CFAP299: variants seen among roughly 807,000 people sequenced by gnomAD.
The protein encoded by CFAP299 is cilia and flagella associated protein 299.
A neutral mutation model predicts 27.0 loss-of-function variants in CFAP299; 21 were observed. That is an observed-to-expected ratio of 0.78 (90% CI 0.55 to 1.12). CFAP299 has a LOEUF of 1.12. Ranked by LOEUF, CFAP299 falls within the 50% of genes most tolerant of loss-of-function variation. The pLI is 0.00. For synonymous variants in CFAP299, 104 were observed against 98.1 expected (o/e 1.06, Z -0.36); for missense variants, 310 against 276.6 (o/e 1.12, Z -0.86).
chr4:80,947,626 C>T (rs1301256346), intron 5 of CFAP299, among the ~76,000 whole-genome samples: 1 of 152,034 alleles, frequency 6.6e-6, no homozygotes, highest in African/African-American at 2.4e-5. Context: ...TAATAAGAAG[C>T]CTGTGTGATT....
chr4:80,596,412 A>G (rs1257650288), intron 3 of CFAP299, among the ~76,000 whole-genome samples: 2 of 152,218 alleles, frequency 1.3e-5, no homozygotes, highest in African/African-American at 4.8e-5. Context: ...TTGGAGCAAT[A>G]TAGAATAATA....
At chr4:80,346,584 C>T (rs906758262) in intron 1 of CFAP299, among the ~76,000 whole-genome samples, 1 of 151,284 alleles carries the variant, frequency 6.6e-6, no homozygotes, top group Non-Finnish European at 1.5e-5. Context: ...CAGATGGTTG[C>T]ATATGTGTGG....
chr4:80,843,151 T>C (rs902824240), intron 3 of CFAP299, among the ~76,000 whole-genome samples: 20 of 152,046 alleles, frequency 1.3e-4, no homozygotes, highest in African/African-American at 3.9e-4. Context: ...TATATATGTA[T>C]ACATGTGCCA....
intron 2 of CFAP299, among the ~76,000 whole-genome samples, chr4:80,514,716 CT>C (rs1364186826): frequency 1.3e-5 from 2 of 152,004 alleles, no homozygotes; most frequent in East Asian, 3.9e-4. Context: ...GTTTTACCTG[CT>C]CTTTGAATAG....
intron 2 of CFAP299, among the ~76,000 whole-genome samples, chr4:80,512,811 T>C: frequency 6.6e-6 from 1 of 152,268 alleles, no homozygotes; most frequent in Non-Finnish European, 1.5e-5. Context: ...ATTATATATA[T>C]TACATGTAGT....
At chr4:80,949,698 A>G (rs2110235196) in intron 5 of CFAP299, among the ~76,000 whole-genome samples, 2 of 152,266 alleles carry the variant, frequency 1.3e-5, no homozygotes, top group Middle Eastern at 3.4e-3. Flanking sequence ...TAAAACAGAC[A>G]AGGGAAAACC....
intron 2 of CFAP299, among the ~76,000 whole-genome samples, chr4:80,493,370 TC>T (rs1188605306): frequency 6.6e-6 from 1 of 152,186 alleles, no homozygotes; most frequent in African/African-American, 2.4e-5. Context: ...ACTGTGTCAT[TC>T]CCCTATTGGC....
At chr4:80,597,570 A>T (rs1287864208) in intron 3 of CFAP299, among the ~76,000 whole-genome samples, 1 of 152,166 alleles carries the variant, frequency 6.6e-6, no homozygotes, top group Non-Finnish European at 1.5e-5. Flanking sequence ...ATTGCTAGAG[A>T]TGTTTCTACG....
At position 80,922,072 on chromosome 4, in the gene CFAP299, G is replaced by A. The variant is rs188212503; in HGVS notation, c.477-22738G>A. Among the ~76,000 whole-genome samples, 148 of 152,116 alleles carry A rather than the reference G, an allele frequency of 9.7e-4. 1 individual carries two copies. Among genetic ancestry groups the A allele is most frequent in the African/African-American group, 3.2e-3 (133 of 41,534 alleles). On this transcript the variant is annotated intron_variant, in intron 4 of 5. Transcript: ENST00000358105. ...TAGGCTACAGTAGATAGATGTATAC[G>A]TCTGAATCTATGAGATGTCTGGACA...
intron 4 of CFAP299, among the ~76,000 whole-genome samples, chr4:80,919,320 A>T (rs916308056): frequency 6.6e-6 from 1 of 152,170 alleles, no homozygotes; most frequent in East Asian, 1.9e-4. Flanking sequence ...GCCACGTTGA[A>T]TTAACACACA....
At chr4:80,552,275 A>G (rs1264112549) in intron 2 of CFAP299, among the ~76,000 whole-genome samples, 2 of 152,224 alleles carry the variant, frequency 1.3e-5, no homozygotes, top group African/African-American at 2.4e-5. Context: ...TGAAGTTACC[A>G]TATATGATTT....
At chr4:80,752,257 G>C (rs1724976122) in intron 3 of CFAP299, among the ~76,000 whole-genome samples, 1 of 151,834 alleles carries the variant, frequency 6.6e-6, no homozygotes, top group South Asian at 2.1e-4. Context: ...CAAGAACCTA[G>C]GTATTTCAGT....
intron 3 of CFAP299, among the ~76,000 whole-genome samples, chr4:80,651,290 A>ACTCTCTCTTT (rs1740266497): frequency 7.2e-6 from 1 of 138,316 alleles, no homozygotes; most frequent in African/African-American, 2.8e-5. Flanking sequence ...TCTCTCTCTT[A>ACTCTCTCTTT]CTCTCTCTCT....
At chr4:80,640,929 T>C (rs1739692786) in intron 3 of CFAP299, among the ~76,000 whole-genome samples, 1 of 152,208 alleles carries the variant, frequency 6.6e-6, no homozygotes, top group Non-Finnish European at 1.5e-5. Context: ...GTTAAGGTAA[T>C]ATGCAAACAA....
intron 3 of CFAP299, among the ~76,000 whole-genome samples, chr4:80,732,715 T>C (rs1723610335): frequency 6.6e-6 from 1 of 152,294 alleles, no homozygotes; most frequent in Non-Finnish European, 1.5e-5. Context: ...TGTTATTTTC[T>C]ACATTCTTTT....
intron 4 of CFAP299, among the ~76,000 whole-genome samples, chr4:80,914,069 T>C (rs1023757804): frequency 6.6e-6 from 1 of 152,192 alleles, no homozygotes; most frequent in African/African-American, 2.4e-5. Flanking sequence ...TATAAAGATA[T>C]GCCACGATTT....
intron 4 of CFAP299, among the ~76,000 whole-genome samples, chr4:80,941,279 G>A (rs1200943368): frequency 6.6e-6 from 1 of 152,090 alleles, no homozygotes; most frequent in Non-Finnish European, 1.5e-5. Flanking sequence ...ACAAAGGGCT[G>A]ACTATATTTA....
chr4:80,615,712 T>C (rs150776885), intron 3 of CFAP299, among the ~76,000 whole-genome samples: 1 of 152,248 alleles, frequency 6.6e-6, no homozygotes, highest in East Asian at 1.9e-4. Flanking sequence ...TAGGCATACA[T>C]CTTGATACTT....
chr4:80,743,713 G>A (rs1158278500), intron 3 of CFAP299, among the ~76,000 whole-genome samples: 1 of 152,170 alleles, frequency 6.6e-6, no homozygotes, highest in Non-Finnish European at 1.5e-5. Flanking sequence ...AATACCTAAT[G>A]CATGCAGGGC....
Sources: allele counts gnomAD v4.1 joint callset (sites outside exome capture counted in the v4.1 genomes callset), GRCh38; gene constraint gnomAD v4.1.1; transcripts MANE v1.5; gene names NCBI Gene and HGNC (gene_info 2026-07-23, HGNC 2026-07-21).